Variants in AR observed in about 807,000 individuals in gnomAD.
AR encodes androgen receptor.
A neutral mutation model predicts 53.9 loss-of-function variants in AR; 8 were observed. The ratio of observed to expected loss-of-function variants is 0.15; its 90% CI spans 0.09 to 0.27. AR has a LOEUF of 0.27. Among genes scored for constraint, AR ranks in the 10% least tolerant of loss-of-function variants. The pLI is 1.00. For synonymous variants in AR, 359 were observed against 316.4 expected (o/e 1.13, Z -1.43); for missense variants, 639 against 742.5 (o/e 0.86, Z 1.62).
intron 1 of AR, among the ~76,000 whole-genome samples, chrX:67,612,125 A>G (rs2147387576): frequency 8.9e-6 from 1 of 112,466 alleles, no homozygotes; most frequent in East Asian, 2.8e-4. Flanking sequence ...GGTTTTCGTT[A>G]TGAATGTGAA....
chrX:67,655,798 A>G (rs1380882529), intron 2 of AR, among the ~76,000 whole-genome samples: 2 of 111,830 alleles, frequency 1.8e-5, no homozygotes, highest in Admixed American at 1.9e-4. Flanking sequence ...TAGCATAGTG[A>G]TAGACTTTCG....
rs1386577803 is a variant in AR, at chrX:67,722,872, G to A, written c.2495G>A (p.Arg832Gln). Residue 832 changes from arginine (R) to glutamine (Q), a missense_variant, in exon 7 of 8, where the codon CGA becomes CAA. This residue lies in a region of AR where 95 missense variants were observed against 196.4 expected (regional missense o/e 0.48). Coordinates refer to ENST00000374690, the MANE Select transcript of AR (RefSeq NM_000044.6). ...LKNQKFFDELRMNYIKELDRI... is the reference protein window; with the variant it reads ...LKNQKFFDELQMNYIKELDRI... ...AATCAAAAATTCTTTGATGAACTTC[G>A]AATGAACTACATCAAGGAACTCGAT... 1 of 1,208,743 alleles carries A rather than the reference G, an allele frequency of 8.3e-7. No homozygotes were observed.
intron 1 of AR, among the ~76,000 whole-genome samples, chrX:67,591,987 G>A (rs955063486): frequency 3.6e-5 from 4 of 112,504 alleles, no homozygotes; most frequent in Non-Finnish European, 5.6e-5. Flanking sequence ...GGATGTGCGA[G>A]GGAGCATAAT....
intron 1 of AR, among the ~76,000 whole-genome samples, chrX:67,557,481 G>C (rs1208968535): frequency 1.8e-5 from 2 of 112,191 alleles, no homozygotes; most frequent in African/African-American, 6.5e-5. Flanking sequence ...TGAACATCCT[G>C]ATGGCTTCTT....
chrX:67,690,604 C>A (rs1426092357), intron 3 of AR, among the ~76,000 whole-genome samples: 2 of 112,065 alleles, frequency 1.8e-5, no homozygotes, highest in Non-Finnish European at 3.8e-5. Flanking sequence ...ATCTTTTCAT[C>A]CATTTACTCA....
At chrX:67,647,560 T>C (rs1926114696) in intron 2 of AR, among the ~76,000 whole-genome samples, 1 of 112,220 alleles carries the variant, frequency 8.9e-6, no homozygotes, top group Admixed American at 9.5e-5. Context: ...TAAGAGGATC[T>C]GCTTGCAGCT....
rs1929691603 is a variant in AR, at chrX:67,545,640, C to T, written c.494C>T (p.Ser165Phe). 2 of 1,191,927 alleles carry T rather than the reference C, an allele frequency of 1.7e-6. No individual in the cohort carries two copies. Among genetic ancestry groups the T allele is most frequent in the Non-Finnish European group, 2.3e-6 (2 of 885,862 alleles). ...GACTCAGCTGCCCCATCCACGTTGTCCCTGCTGGGCCCCACTTTCCCCGGC... is the reference window on the plus strand; with the variant it reads ...GACTCAGCTGCCCCATCCACGTTGTTCCTGCTGGGCCCCACTTTCCCCGGC... ...EDDSAAPSTL[S>F]LLGPTFPGLS... Residue 165 changes from serine (S) to phenylalanine (F), a missense_variant, in exon 1 of 8, where the codon TCC becomes TTC. This residue lies in a region of AR where 423 missense variants were observed against 377.0 expected (regional missense o/e 1.12). Coordinates refer to ENST00000374690, the MANE Select transcript of AR (RefSeq NM_000044.6).
intron 1 of AR, among the ~76,000 whole-genome samples, chrX:67,588,749 CTG>C (rs1922678902): frequency 8.9e-6 from 1 of 112,195 alleles, no homozygotes; most frequent in Admixed American, 9.4e-5. Flanking sequence ...TGTTCTTTTT[CTG>C]TGTTTCTTTC....
intron 3 of AR, among the ~76,000 whole-genome samples, chrX:67,699,936 A>C (rs894719644): frequency 2.7e-5 from 3 of 111,516 alleles, no homozygotes; most frequent in African/African-American, 9.8e-5. Flanking sequence ...GATTGGTTAC[A>C]TCTGCTCCTC....
intron 1 of AR, among the ~76,000 whole-genome samples, chrX:67,550,461 G>T (rs187632813): frequency 4.5e-5 from 5 of 110,224 alleles, no homozygotes; most frequent in Non-Finnish European, 5.7e-5. Flanking sequence ...GCTTGTACAC[G>T]TACAAGCTAC....
chrX:67,619,735 C>T (rs752048515), intron 1 of AR, among the ~76,000 whole-genome samples: 4 of 110,796 alleles, frequency 3.6e-5, no homozygotes, highest in South Asian at 3.8e-4. Flanking sequence ...GTAACTGGGA[C>T]GTATAGTGGT....
At chrX:67,556,476 G>A (rs933540826) in intron 1 of AR, among the ~76,000 whole-genome samples, 2 of 111,861 alleles carry the variant, frequency 1.8e-5, no homozygotes, top group Non-Finnish European at 3.8e-5. Context: ...CAATAACCTT[G>A]CCATTCTACT....
chrX:67,665,243 C>T (rs745321381), intron 2 of AR, among the ~76,000 whole-genome samples: 5 of 112,461 alleles, frequency 4.4e-5, no homozygotes, highest in South Asian at 3.7e-4. Context: ...TGTTCCTATT[C>T]GGCCATCTTC....
intron 1 of AR, among the ~76,000 whole-genome samples, chrX:67,588,488 C>T: frequency 8.9e-6 from 1 of 111,896 alleles, no homozygotes; most frequent in East Asian, 2.8e-4. Flanking sequence ...AGCCTGGGAT[C>T]ATCAAGCCTG....
chrX:67,622,963 G>A (rs757824929), intron 1 of AR, among the ~76,000 whole-genome samples: 8 of 111,169 alleles, frequency 7.2e-5, no homozygotes, highest in Non-Finnish European at 1.5e-4. Context: ...GCATCATTTA[G>A]CAGAGCTGTC....
At chrX:67,657,308 T>C (rs1421680832) in intron 2 of AR, among the ~76,000 whole-genome samples, 1 of 110,967 alleles carries the variant, frequency 9.0e-6, no homozygotes, top group Non-Finnish European at 1.9e-5. Flanking sequence ...TCAGGGTATC[T>C]CTTCTGCCTC....
chrX:67,607,458 A>T (rs932475498), intron 1 of AR, among the ~76,000 whole-genome samples: 1 of 111,996 alleles, frequency 8.9e-6, no homozygotes, highest in East Asian at 2.8e-4. Context: ...TGGTTTCTTT[A>T]GCTATAAAAT....
chrX:67,674,401 G>A (rs182214357), intron 2 of AR, among the ~76,000 whole-genome samples: 5 of 110,832 alleles, frequency 4.5e-5, no homozygotes, highest in Admixed American at 3.8e-4. Flanking sequence ...GGTGAAGCCA[G>A]CCTGTCTTAT....
At chrX:67,562,910 G>A (rs765799124) in intron 1 of AR, among the ~76,000 whole-genome samples, 6 of 111,758 alleles carry the variant, frequency 5.4e-5, no homozygotes, top group Admixed American at 9.5e-5. Flanking sequence ...AAAGGGCATG[G>A]CACTTAGTAG....
Sources: allele counts gnomAD v4.1 joint callset (sites outside exome capture counted in the v4.1 genomes callset), GRCh38; gene constraint gnomAD v4.1.1; regional missense constraint gnomAD v4.1.1; transcripts MANE v1.5; gene names NCBI Gene and HGNC (gene_info 2026-07-23, HGNC 2026-07-21).